Variants in ASAP2 observed in about 807,000 individuals in gnomAD.
ASAP2 encodes the protein arf-GAP with SH3 domain, ANK repeat and PH domain-containing protein 2.
In ASAP2, 45 loss-of-function variants were observed where a neutral mutation model predicts 131.4. That is an observed-to-expected ratio of 0.34 (90% CI 0.27 to 0.44). ASAP2 has a LOEUF of 0.44. ASAP2 is among the 20% of genes least tolerant of loss of function. The pLI is 1.00. For missense variants in ASAP2, 1,011 were observed against 1,297.0 expected (o/e 0.78, Z 3.39); for synonymous variants, 510 against 503.0 (o/e 1.01, Z -0.19).
At chr2:9,282,960 C>T (rs1667228137) in intron 2 of ASAP2, among the ~76,000 whole-genome samples, 1 of 152,260 alleles carries the variant, frequency 6.6e-6, no homozygotes, top group Non-Finnish European at 1.5e-5. Context: ...AAACGGACTC[C>T]CCCATCCCAG....
chr2:9,219,798 A>G (rs900919514), intron 1 of ASAP2, among the ~76,000 whole-genome samples: 1 of 152,168 alleles, frequency 6.6e-6, no homozygotes, highest in Non-Finnish European at 1.5e-5. Context: ...AGCCATCACC[A>G]CTATTTAATT....
chr2:9,283,341 AAT>A (rs1415218328), intron 2 of ASAP2, among the ~76,000 whole-genome samples: 4 of 152,132 alleles, frequency 2.6e-5, no homozygotes, highest in Non-Finnish European at 5.9e-5. Context: ...GCCTCCCTGT[AAT>A]AGTTTCTTAT....
intron 1 of ASAP2, among the ~76,000 whole-genome samples, chr2:9,278,512 CAAAAAAA>C (rs543049325): frequency 8.8e-6 from 1 of 113,924 alleles, no homozygotes; most frequent in Non-Finnish European, 1.9e-5. Context: ...GACCCCTTCT[CAAAAAAA>C]AAAAAAAAAG....
intron 15 of ASAP2, among the ~76,000 whole-genome samples, chr2:9,363,240 A>T (rs988789926): frequency 6.6e-6 from 1 of 152,196 alleles, no homozygotes; most frequent in African/African-American, 2.4e-5. Context: ...TATTGTGAAT[A>T]GTGCTGCAGT....
At chr2:9,214,908 C>T (rs966463853) in intron 1 of ASAP2, among the ~76,000 whole-genome samples, 3 of 152,148 alleles carry the variant, frequency 2.0e-5, no homozygotes, top group Admixed American at 6.5e-5. Context: ...CTTTGACACT[C>T]TGGCGAAGGT....
rs1243387619 is a variant in ASAP2, at chr2:9,306,236, T to C, written c.345+8791T>C. ...TATACCACGTGGAGAGTTGTAGTACTGGGGGTGGAGATATGGCCTGGTGGG... is the reference window on the plus strand; with the variant it reads ...TATACCACGTGGAGAGTTGTAGTACCGGGGGTGGAGATATGGCCTGGTGGG... On this transcript the variant is annotated intron_variant, in intron 3 of 27. Transcript: ENST00000281419. Among the ~76,000 whole-genome samples the C allele has an allele frequency of 1.3e-4, 14 of 109,078 alleles. No individual in the cohort carries two copies. The East Asian group carries it at 3.9e-3, about 31-fold the overall frequency. The allele number at this position is 109,078 out of a possible 152,430, so 71.6% of individuals were successfully genotyped here.
Position 9,206,928 on chromosome 2 carries a change from GCGCCGCCCCTGCTC to G in ASAP2, c.-169_-156del, listed in dbSNP as rs1661143299. 5.1e-6 allele frequency: 2 copies of G among 393,458 alleles called. No individual in the cohort carries two copies. Among genetic ancestry groups the G allele is most frequent in the Non-Finnish European group, 6.8e-6 (2 of 292,198 alleles). The allele number at this position is 393,458 out of a possible 1,614,324, so 24.4% of individuals were successfully genotyped here. A position where few individuals can be genotyped will look rare whatever the true frequency, so the allele number is the denominator to read the frequency against. On this transcript the variant is annotated 5_prime_UTR_variant, in exon 1 of 28. Transcript: ENST00000281419. This position sits in a 1 kb window ranked among gnomAD's most constrained non-coding sequence, Gnocchi z 4.0. The stretch of plus-strand genomic sequence containing the variant: ...GACCGGCCGAGCTGCGCGGGGCTGC[GCGCCGCCCCTGCTC>G]CGCCGCCAGGCCCCGCGCGGCTCCC...
intron 5 of ASAP2, among the ~76,000 whole-genome samples, chr2:9,320,875 A>G (rs112721165): frequency 7.2e-4 from 110 of 152,326 alleles, no homozygotes; most frequent in African/African-American, 2.4e-3. Context: ...GGTTTCTACA[A>G]GAAGTAGAAT....
chr2:9,388,717 G>T (rs1403075781), intron 22 of ASAP2, among the ~76,000 whole-genome samples, 171 bp downstream of exon 22: 1 of 152,208 alleles, frequency 6.6e-6, no homozygotes, highest in Non-Finnish European at 1.5e-5. Flanking sequence ...GCCAGATGGT[G>T]GTAGAGTCTC....
rs542196778 is a variant in ASAP2 at position 9,393,839 on chromosome 2, G to A, written c.2684+192G>A. ...TAGACTGTAAAAATGTCTTACAAAT[G>A]TACATTTTAAGTCCACAGAATGAAT... On this transcript the variant is annotated intron_variant, in intron 24 of 27. Transcript: ENST00000281419. Among the ~76,000 whole-genome samples, 9 of 152,354 alleles carry A rather than the reference G, an allele frequency of 5.9e-5. No individual in the cohort carries two copies. In the South Asian group the frequency reaches 6.2e-4, roughly 11 times the overall value.
chr2:9,227,714 T>A (rs1336780913), intron 1 of ASAP2, among the ~76,000 whole-genome samples: 1 of 152,232 alleles, frequency 6.6e-6, no homozygotes, highest in Admixed American at 6.5e-5. Context: ...AGGTCCTCAG[T>A]AACCGTTTTA....
rs763721707 is a variant in ASAP2 at position 9,405,430 on chromosome 2, G to GT, written c.*2104dup. 2 of 152,598 alleles carry GT rather than the reference G, an allele frequency of 1.3e-5. No homozygotes were observed. The highest frequency in any genetic ancestry group is 2.4e-5 in the African/African-American group (1 of 41,430). The allele number at this position is 152,598 out of a possible 1,614,324, so 9.5% of individuals were successfully genotyped here. A position where few individuals can be genotyped will look rare whatever the true frequency, so the allele number is the denominator to read the frequency against. On this transcript the variant is annotated 3_prime_UTR_variant, in exon 28 of 28. Coordinates refer to ENST00000281419, the MANE Select transcript of ASAP2 (RefSeq NM_003887.3). ...CTCAGAACATGTACACAGACTAAGA[G>GT]TAACTGTGTGATCTGTTAAGGGGTG...
At chr2:9,354,594 C>T (rs1036780952) in intron 12 of ASAP2, among the ~76,000 whole-genome samples, 2 of 149,380 alleles carry the variant, frequency 1.3e-5, no homozygotes, top group East Asian at 3.9e-4. Context: ...CTGTGCACTG[C>T]ACGTTTGCAC....
At chr2:9,317,112 A>C in intron 3 of ASAP2, among the ~76,000 whole-genome samples, 1 of 60,926 alleles carries the variant, frequency 1.6e-5, no homozygotes, top group Non-Finnish European at 3.7e-5. Flanking sequence ...CTCATACCCC[A>C]CGCAATCACA....
chr2:9,301,820 C>CTTTTTTTTTTTTTTTTTTTTTTT (rs1177064910), intron 3 of ASAP2, among the ~76,000 whole-genome samples: 3 of 115,394 alleles, frequency 2.6e-5, no homozygotes, highest in African/African-American at 1.1e-4. Context: ...TATCCATCAT[C>CTTTTTTTTTTTTTTTTTTTTTTT]TTTTTTTTTT....
rs576153211 is a variant in ASAP2 at position 9,269,066 on chromosome 2, T to G, written c.127-10251T>G. On this transcript the variant is annotated intron_variant, in intron 1 of 27. Coordinates refer to ENST00000281419, the MANE Select transcript of ASAP2 (RefSeq NM_003887.3). Reference sequence around the variant, plus strand: ...GCCAGGGCTCAGCAAACCTTTTCTGTGAGGGGCCAGAGATAGTAAATATTT... The same window carrying G: ...GCCAGGGCTCAGCAAACCTTTTCTGGGAGGGGCCAGAGATAGTAAATATTT... Among the ~76,000 whole-genome samples, 3 of 152,194 alleles carry G rather than the reference T, an allele frequency of 2.0e-5. No individual in the cohort carries two copies. The East Asian group carries it at 5.8e-4, about 29-fold the overall frequency.
At chr2:9,350,772 C>T in intron 11 of ASAP2, 36 bp from the exon 12 acceptor site, 1 of 1,583,750 alleles carries the variant, frequency 6.3e-7, no homozygotes, top group Non-Finnish European at 8.6e-7. Context: ...TTCCACCCAA[C>T]CCCAACCTTT....
chr2:9,393,644 C>G lies in ASAP2; in HGVS notation c.2681C>G (p.Pro894Arg). 2 of 1,568,078 alleles carry G rather than the reference C, an allele frequency of 1.3e-6. No individual in the cohort carries two copies. The highest frequency in any genetic ancestry group is 1.7e-6 in the Non-Finnish European group (2 of 1,161,150). The change falls in exon 24 of 28, where the codon CCG (proline) becomes CGG (arginine). Residue 894 changes from proline to arginine, a missense_variant. Pro to Arg is a moderately radical substitution (Grantham distance 103). Coordinates refer to ENST00000281419, the MANE Select transcript of ASAP2 (RefSeq NM_003887.3). ...PSRLPQKKPA[P>R]GADKSTPLTN... is the part of the protein sequence containing the mutation. ...CGCCTCCCGCAGAAGAAGCCTGCGC[C>G]GGGGTAAGCCACCCCCAGCCAGCTC...
In ASAP2 at chr2:9,334,763, G is replaced by A; in HGVS notation, c.712G>A (p.Val238Met). Residue 238 changes from valine (V) to methionine (M), a missense_variant, in exon 8 of 28, where the codon GTG becomes ATG. Physicochemically the swap from Val to Met is conservative, Grantham distance 21. Around this residue, in one of 2 missense-constraint regions of ASAP2, gnomAD observed 359 missense variants for 598.1 expected, o/e 0.60. Transcript: ENST00000281419. ...TTTTTTTCAGGATGGACTCAAAGCCGTGGAAAGCCTCAAACCTTCCATTGA... is the reference window on the plus strand; with the variant it reads ...TTTTTTTCAGGATGGACTCAAAGCCATGGAAAGCCTCAAACCTTCCATTGA... ...CNFFQDGLKA[V>M]ESLKPSIETL... 3 of 1,614,032 alleles carry A rather than the reference G, an allele frequency of 1.9e-6. No individual in the cohort carries two copies. Among genetic ancestry groups the A allele is most frequent in the Non-Finnish European group, 2.5e-6 (3 of 1,179,978 alleles).
Sources: allele counts gnomAD v4.1 joint callset (sites outside exome capture counted in the v4.1 genomes callset), GRCh38; gene constraint gnomAD v4.1.1; regional missense constraint gnomAD v4.1.1; non-coding constraint Gnocchi (gnomAD v3.1); transcripts MANE v1.5; gene names NCBI Gene and HGNC (gene_info 2026-07-23, HGNC 2026-07-21).